Variants in ZNF33B observed in about 807,000 individuals in gnomAD.
The protein encoded by ZNF33B is zinc finger protein 11b (KOX 2).
A neutral mutation model predicts 45.8 loss-of-function variants in ZNF33B; 29 were observed. That is an observed-to-expected ratio of 0.63 (90% CI 0.47 to 0.86). The LOEUF (loss-of-function observed/expected upper bound fraction) is 0.86, where lower values mean the gene tolerates loss of function less well. ZNF33B is among the 40% of genes least tolerant of loss of function. ZNF33B has a pLI of 0.00. For synonymous variants in ZNF33B, 305 were observed against 307.8 expected (o/e 0.99, Z 0.10); for missense variants, 831 against 909.9 (o/e 0.91, Z 1.12).
At chr10:42,632,973 G>C (rs1010747239) in intron 2 of ZNF33B, 1 of 162,886 alleles carries the variant, frequency 6.1e-6, no homozygotes, top group African/African-American at 2.4e-5. Flanking sequence ...AAAAGCCAAG[G>C]AAATGGGTTA....
chr10:42,632,186 A>G, intron 3 of ZNF33B, 109 bp downstream of exon 3: 1 of 1,521,366 alleles, frequency 6.6e-7, no homozygotes, highest in Non-Finnish European at 8.9e-7. Context: ...CTGACTCCTG[A>G]AGCCTAACCT....
chr10:42,606,237 G>A (rs992210519), intron 4 of ZNF33B, among the ~76,000 whole-genome samples: 5 of 152,120 alleles, frequency 3.3e-5, no homozygotes, highest in Admixed American at 3.3e-4. Flanking sequence ...GGCCAAGGCG[G>A]GCAGATCATC....
chr10:42,599,062 G>C (rs183319163), intron 4 of ZNF33B, among the ~76,000 whole-genome samples: 2 of 152,290 alleles, frequency 1.3e-5, no homozygotes, highest in African/African-American at 2.4e-5. Flanking sequence ...AGCCGTAATA[G>C]CTGTTTATTT....
Position 42,594,233 on chromosome 10 carries a change from T to A in ZNF33B, c.717A>T (p.Arg239Ser), listed in dbSNP as rs544715756. The change falls in exon 5 of 5, where the codon AGA (arginine) becomes AGT (serine). Residue 239 changes from arginine to serine, a missense_variant. By Grantham distance (110) the Arg-to-Ser change is moderately radical. Coordinates refer to ENST00000359467, the MANE Select transcript of ZNF33B (RefSeq NM_006955.3). ...CACAGTTATTCTCTTCTGCATTCTC[T>A]CTCTTCCGTGTATTGAATACTGCCT... ...LEKAVFNTRK[R>S]ENAEENNCDY... 6.2e-7 allele frequency: 1 copy of A among 1,613,760 alleles called. No homozygotes were observed. Among genetic ancestry groups the A allele is most frequent in the Admixed American group, 1.7e-5 (1 of 59,988 alleles).
intron 1 of ZNF33B, among the ~76,000 whole-genome samples, chr10:42,579,132 A>G (rs141272263): frequency 3.9e-3 from 586 of 152,192 alleles, no homozygotes; most frequent in Non-Finnish European, 6.1e-3. Context: ...CCACCCTCCT[A>G]CCACATCATG....
intron 2 of ZNF33B, among the ~76,000 whole-genome samples, chr10:42,636,557 C>T (rs1437671785): frequency 1.3e-5 from 2 of 152,198 alleles, no homozygotes; most frequent in Non-Finnish European, 2.9e-5. Context: ...CACGGTGGCT[C>T]ACACTTGTAA....
chr10:42,629,782 A>G (rs933553759), intron 4 of ZNF33B, among the ~76,000 whole-genome samples: 4 of 152,092 alleles, frequency 2.6e-5, no homozygotes, highest in African/African-American at 9.7e-5. Flanking sequence ...ATATTATTTT[A>G]GATTCCATCT....
intron 2 of ZNF33B, 35 bp downstream of exon 2, chr10:42,636,885 C>T (rs371097710): frequency 1.4e-5 from 22 of 1,613,806 alleles, no homozygotes; most frequent in South Asian, 3.3e-5. Flanking sequence ...CAAAGTCCAC[C>T]GCAAAATAAA....
intron 4 of ZNF33B, among the ~76,000 whole-genome samples, chr10:42,617,763 C>T (rs1178395747): frequency 6.6e-5 from 10 of 152,272 alleles, no homozygotes; most frequent in African/African-American, 2.4e-4. Context: ...TCTATGCTGT[C>T]ATTTCAAAAC....
At chr10:42,599,541 A>G (rs1469630909) in intron 4 of ZNF33B, among the ~76,000 whole-genome samples, 2 of 151,268 alleles carry the variant, frequency 1.3e-5, no homozygotes, top group African/African-American at 4.9e-5. Flanking sequence ...CACATTATAT[A>G]TTTAATATAT....
rs1004757883 is a variant in ZNF33B at position 42,613,821 on chromosome 10, G to A, written c.250+18108C>T. On this transcript the variant is annotated intron_variant, in intron 4 of 4. Coordinates refer to ENST00000359467, the MANE Select transcript of ZNF33B (RefSeq NM_006955.3). Reference sequence around the variant, plus strand: ...GCTGAGACAGCCACACCCTACTGCTGTAAGCACACCATTAGCCCCTATCTT... The same window carrying A: ...GCTGAGACAGCCACACCCTACTGCTATAAGCACACCATTAGCCCCTATCTT... Among the ~76,000 whole-genome samples, 3 of 152,304 alleles carry A rather than the reference G, an allele frequency of 2.0e-5. No homozygotes were observed. In the East Asian group the frequency reaches 5.8e-4, roughly 29 times the overall value.
At position 42,594,414 on chromosome 10, in the gene ZNF33B, T is replaced by C. The variant is rs1320630274; in HGVS notation, c.536A>G (p.Asn179Ser). ...EFNACGKLLLNIKHDETHTRE... is the reference protein window; with the variant it reads ...EFNACGKLLLSIKHDETHTRE... ...AGTATGAGTTTCATCATGCTTAATA[T>C]TGAGTAACAATTTCCCACATGCATT... Residue 179 changes from asparagine to serine, a missense_variant, in exon 5 of 5, where the codon AAT (asparagine) becomes AGT (serine). Physicochemically the swap from Asn to Ser is conservative, Grantham distance 46. Coordinates refer to ENST00000359467, the MANE Select transcript of ZNF33B (RefSeq NM_006955.3). The C allele has an allele frequency of 1.9e-6, 3 of 1,613,828 alleles. No individual in the cohort carries two copies. Among genetic ancestry groups the C allele is most frequent in the Non-Finnish European group, 2.5e-6 (3 of 1,179,824 alleles).
At chr10:42,633,942 C>A (rs1290580635) in intron 2 of ZNF33B, among the ~76,000 whole-genome samples, 2 of 147,556 alleles carry the variant, frequency 1.4e-5, no homozygotes, top group African/African-American at 2.5e-5. Flanking sequence ...TGCACTCCAG[C>A]CTGGGTAACA....
chr10:42,600,995 A>G (rs1222718606), intron 4 of ZNF33B, among the ~76,000 whole-genome samples: 3 of 152,178 alleles, frequency 2.0e-5, no homozygotes, highest in Non-Finnish European at 4.4e-5. Context: ...GCTGGAGAGG[A>G]AATCTTTCAG....
In ZNF33B at chr10:42,594,663, T is replaced by G. The variant is rs1388828602; in HGVS notation, c.287A>C (p.Gln96Pro). The G allele has an allele frequency of 6.3e-7, 1 of 1,596,664 alleles. No homozygotes were observed. Among genetic ancestry groups the G allele is most frequent in the Non-Finnish European group, 8.5e-7 (1 of 1,174,016 alleles). ...WTADHLKERS[Q>P]ENQSKHLWEV... ...CCACAAATGTTTAGATTGATTTTCTTGGCTCCTCTCTTTCAGGTGATCAGC... is the reference window on the plus strand; with the variant it reads ...CCACAAATGTTTAGATTGATTTTCTGGGCTCCTCTCTTTCAGGTGATCAGC... The change falls in exon 5 of 5, where the codon CAA (glutamine) becomes CCA (proline). Residue 96 changes from glutamine to proline, a missense_variant. Physicochemically the swap from Gln to Pro is moderately conservative, Grantham distance 76. Transcript: ENST00000359467.
chr10:42,624,808 T>C (rs1033184957), intron 4 of ZNF33B, among the ~76,000 whole-genome samples: 1 of 152,176 alleles, frequency 6.6e-6, no homozygotes, highest in African/African-American at 2.4e-5. Flanking sequence ...AATTTCATCA[T>C]GCTACTCACA....
intron 1 of ZNF33B, among the ~76,000 whole-genome samples, chr10:42,581,045 G>A (rs1205061369): frequency 3.9e-5 from 6 of 152,076 alleles, no homozygotes; most frequent in Non-Finnish European, 7.4e-5. Context: ...AAAAGCCTAC[G>A]GTCAGGGTTT....
At chr10:42,620,380 C>CA (rs1051521957) in intron 4 of ZNF33B, among the ~76,000 whole-genome samples, 5 of 151,876 alleles carry the variant, frequency 3.3e-5, no homozygotes, top group African/African-American at 1.2e-4. Flanking sequence ...AATCAGAAGA[C>CA]AGAGGCTGGC....
At chr10:42,622,650 A>G (rs1838640947) in intron 4 of ZNF33B, among the ~76,000 whole-genome samples, 1 of 152,210 alleles carries the variant, frequency 6.6e-6, no homozygotes, top group African/African-American at 2.4e-5. Flanking sequence ...TACAACAGTC[A>G]TACTCACAGA....
Sources: gnomAD v4.1 joint callset for allele counts (sites outside exome capture counted in the v4.1 genomes callset) on GRCh38, gnomAD v4.1.1 for gene constraint, MANE v1.5 for transcripts, NCBI Gene and HGNC (gene_info 2026-07-23, HGNC 2026-07-21) for gene names.